SIGLEC1: variants seen among roughly 807,000 people sequenced by gnomAD.
SIGLEC1 encodes the protein sialoadhesin.
A neutral mutation model predicts 148.0 loss-of-function variants in SIGLEC1; 132 were observed. The ratio of observed to expected loss-of-function variants is 0.89; its 90% CI spans 0.77 to 1.03. SIGLEC1 has a LOEUF of 1.03. SIGLEC1 is among the 50% of genes least tolerant of loss of function. The pLI, the probability that SIGLEC1 is intolerant of heterozygous loss-of-function variation, is 0.00. For synonymous variants in SIGLEC1, 945 were observed against 969.0 expected (o/e 0.98, Z 0.46); for missense variants, 2,253 against 2,271.4 (o/e 0.99, Z 0.16).
chr20:3,696,569 A>G lies in SIGLEC1; in HGVS notation c.2683+17T>C. The G allele has an allele frequency of 6.3e-7, 1 of 1,589,180 alleles. No individual in the cohort carries two copies. The highest frequency in any genetic ancestry group is 8.6e-7 in the Non-Finnish European group (1 of 1,165,454). ...GGGCATCAGAGTCTACCATATCTTC[A>G]GAAGACTGACACTCACCTCGGACCT... On this transcript the variant is annotated intron_variant, in intron 11 of 21. Transcript: ENST00000344754.
Position 3,701,291 on chromosome 20 carries a change from G to A in SIGLEC1, c.1528+51C>T, listed in dbSNP as rs776694023. The A allele has an allele frequency of 3.3e-6, 5 of 1,492,676 alleles. No individual in the cohort carries two copies. The South Asian group carries it at 5.2e-5, about 15-fold the overall frequency. The allele number at this position is 1,492,676 out of a possible 1,614,324, so 92.5% of individuals were successfully genotyped here. On this transcript the variant is annotated intron_variant, in intron 7 of 21. Transcript: ENST00000344754. ...TTCTAGAAGGAACAGACTGGAGCAG[G>A]CTCCTCCTCAGGCTCCCTCCACTCT...
chr20:3,697,123 C>T lies in SIGLEC1; in HGVS notation c.2342G>A (p.Gly781Asp). ...LYACRILTEA[G>D]AQLSTPVLLS... ...GAGCACGGGAGTGGAGAGCTGGGCA[C>T]CAGCCTCAGTCAGGATGCGGCAGGC... Residue 781 changes from glycine to aspartate, a missense_variant, in exon 10 of 22, where the codon GGT becomes GAT. Gly to Asp is a moderately conservative substitution (Grantham distance 94). Transcript: ENST00000344754. 6.2e-7 allele frequency: 1 copy of T among 1,613,366 alleles called. No individual in the cohort carries two copies. Among genetic ancestry groups the T allele is most frequent in the African/African-American group, 1.3e-5 (1 of 75,022 alleles).
intron 19 of SIGLEC1, 120 bp from the exon 20 acceptor site, chr20:3,689,822 C>G: frequency 4.3e-6 from 5 of 1,172,894 alleles, no homozygotes; most frequent in Non-Finnish European, 6.1e-6. Context: ...GCTCTCCACA[C>G]AAGGGTGCCC....
At position 3,692,604 on chromosome 20, in the gene SIGLEC1, C is replaced by T. The variant is rs541812976; in HGVS notation, c.3947G>A (p.Arg1316Gln). 88 of 1,612,674 alleles carry T rather than the reference C, an allele frequency of 5.5e-5. 1 individual carries two copies. The highest frequency in any genetic ancestry group is 3.8e-4 in the South Asian group (35 of 91,080). Residue 1316 changes from arginine to glutamine, a missense_variant, in exon 16 of 22, where the codon CGG becomes CAG. Arg to Gln is a conservative substitution (Grantham distance 43). Transcript: ENST00000344754. ...AASLSFLVAT[R>Q]AHAGAYSCQA... ...GCAAGAGTAGGCGCCTGCATGAGCCCGCGTGGCCACCAGGAATGAGAGTGA... is the reference window on the plus strand; with the variant it reads ...GCAAGAGTAGGCGCCTGCATGAGCCTGCGTGGCCACCAGGAATGAGAGTGA...
chr20:3,690,310 A>C, intron 18 of SIGLEC1, 46 bp from the exon 19 acceptor site: 1 of 1,466,180 alleles, frequency 6.8e-7, no homozygotes, highest in Middle Eastern at 1.8e-4. Context: ...ATGACCACAA[A>C]TTTCTCCCTC....
In SIGLEC1 at chr20:3,692,590, C is replaced by G. The variant is rs147714278; in HGVS notation, c.3961G>C (p.Ala1321Pro). 1.2e-6 allele frequency: 2 copies of G among 1,611,964 alleles called. No homozygotes were observed. Among genetic ancestry groups the G allele is most frequent in the East Asian group, 4.5e-5 (2 of 44,866 alleles). ...FLVATRAHAG[A>P]YSCQAQDAQG... ...GCATCCTGGGCCTGGCAAGAGTAGG[C>G]GCCTGCATGAGCCCGCGTGGCCACC... The change falls in exon 16 of 22, where the codon GCC (alanine) becomes CCC (proline). Residue 1321 changes from alanine to proline, a missense_variant. By Grantham distance (27) the Ala-to-Pro change is conservative. Coordinates refer to ENST00000344754, the MANE Select transcript of SIGLEC1 (RefSeq NM_023068.4).
chr20:3,690,359 T>C (rs1353250330), intron 18 of SIGLEC1, 95 bp from the exon 19 acceptor site: 7 of 988,452 alleles, frequency 7.1e-6, no homozygotes, highest in Non-Finnish European at 7.3e-6. Flanking sequence ...CTCCTCCCAT[T>C]AAGAGGCAGA....
chr20:3,706,540 G>A lies in SIGLEC1; in HGVS notation c.216C>T (p.His72=), dbSNP rs199508541. The A allele has an allele frequency of 2.1e-5, 34 of 1,612,804 alleles. No homozygotes were observed. In the African/African-American group the frequency reaches 3.3e-4, roughly 16 times the overall value. ...DYSGQRQVVS[H]SADPKLVEAR... is the part of the protein sequence containing the mutation. Reference sequence around the variant, plus strand: ...CCTCCACCAGCTTGGGGTCCGCCGAGTGGCTCACCACCTGCCGCTGGCCCG... The same window carrying A: ...CCTCCACCAGCTTGGGGTCCGCCGAATGGCTCACCACCTGCCGCTGGCCCG... Residue 72 remains histidine (H), a synonymous_variant, in exon 3 of 22, where the codon CAC becomes CAT. Transcript: ENST00000344754.
At chr20:3,690,652 T>C (rs988241013) in intron 18 of SIGLEC1, among the ~76,000 whole-genome samples, 3 of 152,238 alleles carry the variant, frequency 2.0e-5, no homozygotes, top group African/African-American at 7.2e-5. Context: ...ATTGAGCAGA[T>C]AACATGACTT....
In SIGLEC1 at chr20:3,697,990, C is replaced by T. The variant is rs1173379590; in HGVS notation, c.1930G>A (p.Ala644Thr). ...CCACCCCCTGATGGCAGGGAAGTGGCCACAACACGGTCCTTGTGGAGCAGC... is the reference window on the plus strand; with the variant it reads ...CCACCCCCTGATGGCAGGGAAGTGGTCACAACACGGTCCTTGTGGAGCAGC... Reference protein sequence around the residue: ...LQLLHKDRVVATSLPSGGGCS... With the variant: ...LQLLHKDRVVTTSLPSGGGCS... Residue 644 changes from alanine (A) to threonine (T), a missense_variant, in exon 9 of 22, where the codon GCC (alanine) becomes ACC (threonine). By Grantham distance (58) the Ala-to-Thr change is moderately conservative (BLOSUM62 0). Coordinates refer to ENST00000344754, the MANE Select transcript of SIGLEC1 (RefSeq NM_023068.4). The T allele has an allele frequency of 6.2e-7, 1 of 1,611,686 alleles. No homozygotes were observed. The highest frequency in any genetic ancestry group is 1.1e-5 in the South Asian group (1 of 90,948).
At chr20:3,701,682 G>A in intron 6 of SIGLEC1, 41 bp from the exon 7 acceptor site, 1 of 1,511,330 alleles carries the variant, frequency 6.6e-7, no homozygotes, top group Non-Finnish European at 8.9e-7. Context: ...CCTCAGACAA[G>A]GGCATTCCCT....
chr20:3,696,965 C>T, intron 10 of SIGLEC1, 77 bp from the exon 11 acceptor site: 2 of 1,530,756 alleles, frequency 1.3e-6, no homozygotes, highest in South Asian at 2.5e-5. Flanking sequence ...CCCCCACCTC[C>T]TGCCACACAC....
At chr20:3,689,258 T>C (rs761631525) in intron 20 of SIGLEC1, 31 bp from the exon 21 acceptor site, 2 of 1,576,932 alleles carry the variant, frequency 1.3e-6, no homozygotes, top group African/African-American at 2.7e-5. Context: ...TCAGAGAGCC[T>C]CTCCCCTCCC....
At position 3,706,059 on chromosome 20, in the gene SIGLEC1, G is replaced by C; in HGVS notation, c.410-19C>G. ...GGCTCCTCTGAGGACAGAGACAGCA[G>C]TGCTCAGGACCCGCTTTTGCCACCC... is the stretch of plus-strand genomic sequence containing the variant. On this transcript the variant is annotated intron_variant, in intron 3 of 21. Transcript: ENST00000344754. 6.2e-7 allele frequency: 1 copy of C among 1,605,486 alleles called. No homozygotes were observed. Among genetic ancestry groups the C allele is most frequent in the Non-Finnish European group, 8.5e-7 (1 of 1,175,124 alleles).
rs1035153454 is a variant in SIGLEC1 at position 3,710,465 on chromosome 20, G to T, written c.-110+2005C>A. Among the ~76,000 whole-genome samples, 2 of 152,194 alleles carry T rather than the reference G, an allele frequency of 1.3e-5. No individual in the cohort carries two copies. The highest frequency in any genetic ancestry group is 4.8e-5 in the African/African-American group (2 of 41,448). On this transcript the variant is annotated intron_variant, in intron 1 of 21. Coordinates refer to ENST00000344754, the MANE Select transcript of SIGLEC1 (RefSeq NM_023068.4). This position sits in a 1 kb window ranked among gnomAD's most constrained non-coding sequence, Gnocchi z 4.6. The stretch of plus-strand genomic sequence containing the variant: ...GGGCTCATCTCCAGTTCTCTAGGAA[G>T]CCCTAGGCCTCCTCCTCTTCTGGGA...
At chr20:3,690,348 G>A (rs1278175122) in intron 18 of SIGLEC1, 84 bp from the exon 19 acceptor site, 7 of 1,132,020 alleles carry the variant, frequency 6.2e-6, no homozygotes, top group Non-Finnish European at 8.6e-6. Context: ...TGACTTTGCT[G>A]CTCCTCCCAT....
rs776601369 is a variant in SIGLEC1, at chr20:3,692,730, C to G, written c.3821G>C (p.Gly1274Ala). Reference sequence around the variant, plus strand: ...CGCACAGGTCACTGTGATGGGGGCACCTTCAGGCACGGCAGCCTCCGGAGC... The same window carrying G: ...CGCACAGGTCACTGTGATGGGGGCAGCTTCAGGCACGGCAGCCTCCGGAGC... Reference protein sequence around the residue: ...ILAPEAAVPEGAPITVTCADP... With the variant: ...ILAPEAAVPEAAPITVTCADP... The change falls in exon 16 of 22, where the codon GGT becomes GCT. Residue 1274 changes from glycine to alanine, a missense_variant. Physicochemically the swap from Gly to Ala is moderately conservative, Grantham distance 60. Transcript: ENST00000344754. The G allele has an allele frequency of 1.9e-6, 3 of 1,612,110 alleles. No individual in the cohort carries two copies. In the African/African-American group the frequency reaches 4.0e-5, roughly 22 times the overall value.
intron 18 of SIGLEC1, among the ~76,000 whole-genome samples, chr20:3,690,961 G>A (rs1266680467): frequency 2.0e-5 from 3 of 151,658 alleles, no homozygotes; most frequent in African/African-American, 7.3e-5. Context: ...CTCCTGAATA[G>A]CTGGGATTAC....
intron 13 of SIGLEC1, 35 bp downstream of exon 13, chr20:3,694,186 C>A: frequency 6.8e-7 from 1 of 1,466,988 alleles, no homozygotes. Context: ...CACACACACA[C>A]ACACACACAC....
Sources: gnomAD v4.1 joint callset for allele counts (sites outside exome capture counted in the v4.1 genomes callset) on GRCh38, gnomAD v4.1.1 for gene constraint, Gnocchi (gnomAD v3.1) non-coding constraint, MANE v1.5 for transcripts, NCBI Gene and HGNC (gene_info 2026-07-23, HGNC 2026-07-21) for gene names.